FER1L6: variants seen among roughly 807,000 people sequenced by gnomAD.
FER1L6 encodes the protein fer-1 like family member 6.
FER1L6 carries 177 observed loss-of-function variants against 219.2 expected under a neutral mutation model. The observed-to-expected ratio is 0.81, with a 90% confidence interval of 0.71 to 0.91. The LOEUF (loss-of-function observed/expected upper bound fraction) is 0.91, where lower values mean the gene tolerates loss of function less well. Ranked by LOEUF, FER1L6 falls within the 40% of genes least tolerant of loss-of-function variation. FER1L6 has a pLI of 0.00. For synonymous variants in FER1L6, 768 were observed against 824.3 expected (o/e 0.93, Z 1.17); for missense variants, 2,153 against 2,259.9 (o/e 0.95, Z 0.96).
chr8:123,963,859 A>AGATCTGTG (rs1723552951), intron 3 of FER1L6, among the ~76,000 whole-genome samples: 1 of 152,246 alleles, frequency 6.6e-6, no homozygotes, highest in South Asian at 2.1e-4. Context: ...AATAGCCCCC[A>AGATCTGTG]GATCTGTGGC....
intron 22 of FER1L6, among the ~76,000 whole-genome samples, chr8:124,049,987 T>C (rs1819934067): frequency 6.6e-6 from 1 of 152,166 alleles, no homozygotes; most frequent in African/African-American, 2.4e-5. Context: ...TTCTTGCGGG[T>C]TTGGCCAACA....
intron 1 of FER1L6, among the ~76,000 whole-genome samples, chr8:123,907,739 ATTC>A (rs1457687533): frequency 2.0e-5 from 3 of 148,450 alleles, no homozygotes; most frequent in South Asian, 2.2e-4. Flanking sequence ...TTTTAACCAT[ATTC>A]TTCTTATTCT....
chr8:123,931,748 C>CT (rs548831971), intron 1 of FER1L6, among the ~76,000 whole-genome samples: 360 of 152,254 alleles, frequency 2.4e-3, no homozygotes, highest in Non-Finnish European at 3.8e-3. Context: ...TTGCCTGTTT[C>CT]TTTTTGTTGC....
intron 1 of FER1L6, among the ~76,000 whole-genome samples, chr8:123,944,357 C>T (rs1814389905): frequency 1.3e-5 from 2 of 149,928 alleles, no homozygotes; most frequent in African/African-American, 4.9e-5. Flanking sequence ...ATATAGTGAA[C>T]AAGTATATTG....
rs1345987443 is a variant in FER1L6, at chr8:123,852,265, CAGTA to C, written c.-8+83_-8+86del. The C allele has an allele frequency of 6.6e-6, 1 of 152,174 alleles. No homozygotes were observed. The highest frequency in any genetic ancestry group is 6.5e-5 in the Admixed American group (1 of 15,274). The allele number at this position is 152,174 out of a possible 1,614,324, so 9.4% of individuals were successfully genotyped here. On this transcript the variant is annotated intron_variant, in intron 1 of 40. Coordinates refer to ENST00000522917, the MANE Select transcript of FER1L6 (RefSeq NM_001039112.2). This position sits in a 1 kb window ranked among gnomAD's most constrained non-coding sequence, Gnocchi z 4.9. ...TCATATCCAGAGCAAATGTGTATTC[CAGTA>C]AGGACAAAATGCTTCCCCTCCCTTC...
intron 1 of FER1L6, among the ~76,000 whole-genome samples, chr8:123,892,766 T>A (rs190506805): frequency 1.3e-5 from 2 of 152,246 alleles, no homozygotes; most frequent in Non-Finnish European, 2.9e-5. Context: ...CTTTGATATT[T>A]GTCAGACTTT....
intron 1 of FER1L6, among the ~76,000 whole-genome samples, chr8:123,871,222 G>A (rs1484804980): frequency 6.6e-6 from 1 of 152,144 alleles, no homozygotes; most frequent in African/African-American, 2.4e-5. Flanking sequence ...TGTATTCATA[G>A]GTTAGTATGC....
intron 15 of FER1L6, chr8:124,014,596 T>C (rs1193457671): frequency 6.6e-6 from 1 of 152,592 alleles, no homozygotes; most frequent in Non-Finnish European, 1.5e-5. Flanking sequence ...AGAGAAACCC[T>C]GGTTCTGAGT....
intron 1 of FER1L6, among the ~76,000 whole-genome samples, chr8:123,934,974 T>C (rs1813926424): frequency 6.6e-6 from 1 of 152,206 alleles, no homozygotes; most frequent in African/African-American, 2.4e-5. Context: ...CAGTCATGCT[T>C]CCTGTTAAGC....
intron 1 of FER1L6, among the ~76,000 whole-genome samples, chr8:123,951,206 A>G (rs4242352): frequency 0.23 from 34,461 of 152,058 alleles, 4,799 homozygotes; most frequent in East Asian, 0.41. Flanking sequence ...CTCAAAAACC[A>G]CCGAGCCTTT....
intron 1 of FER1L6, chr8:123,939,174 A>G (rs931653790): frequency 8.1e-6 from 8 of 985,414 alleles, no homozygotes; most frequent in Non-Finnish European, 9.6e-6. Context: ...TGAAAAACCA[A>G]TGTTCCAGTC....
intron 21 of FER1L6, among the ~76,000 whole-genome samples, chr8:124,048,541 CTACA>C (rs1403873959): frequency 1.3e-5 from 2 of 152,220 alleles, no homozygotes; most frequent in Non-Finnish European, 2.9e-5. Context: ...AACATATGGC[CTACA>C]TACATACATA....
chr8:124,070,263 T>A (rs1312253048), intron 29 of FER1L6, among the ~76,000 whole-genome samples: 1 of 152,202 alleles, frequency 6.6e-6, no homozygotes, highest in Non-Finnish European at 1.5e-5. Flanking sequence ...AATTTAAAAG[T>A]TCATCAGAAC....
At chr8:123,935,031 C>T (rs893126082) in intron 1 of FER1L6, among the ~76,000 whole-genome samples, 6 of 152,176 alleles carry the variant, frequency 3.9e-5, no homozygotes, top group Non-Finnish European at 8.8e-5. Context: ...ATAAATTGCG[C>T]AGTCTCAGGT....
chr8:124,070,095 T>C (rs893142709), intron 29 of FER1L6, among the ~76,000 whole-genome samples: 2 of 152,202 alleles, frequency 1.3e-5, no homozygotes, highest in Non-Finnish European at 2.9e-5. Context: ...TCGCCTTATA[T>C]GTGTTCAGAA....
At chr8:123,938,957 AG>A (rs1814115108) in intron 1 of FER1L6, among the ~76,000 whole-genome samples, 3 of 152,236 alleles carry the variant, frequency 2.0e-5, no homozygotes, top group African/African-American at 7.2e-5. Context: ...TTATTCTTCA[AG>A]GGAAGAGTAC....
chr8:123,856,410 C>T (rs556168307), intron 1 of FER1L6, among the ~76,000 whole-genome samples: 2 of 145,780 alleles, frequency 1.4e-5, no homozygotes, highest in African/African-American at 5.1e-5. Flanking sequence ...GAGCTTTCAG[C>T]AAGCATATCT....
intron 1 of FER1L6, among the ~76,000 whole-genome samples, chr8:123,890,352 G>A (rs967166896): frequency 6.6e-6 from 1 of 151,978 alleles, no homozygotes; most frequent in Non-Finnish European, 1.5e-5. Context: ...AGTTGACTGA[G>A]TAGGAGAAAA....
At chr8:123,879,644 G>A (rs915115193) in intron 1 of FER1L6, among the ~76,000 whole-genome samples, 5 of 146,698 alleles carry the variant, frequency 3.4e-5, no homozygotes, top group Non-Finnish European at 6.0e-5. Flanking sequence ...ATTATTTAAC[G>A]TCACTTAAAA....
Sources: gnomAD v4.1 joint callset for allele counts (sites outside exome capture counted in the v4.1 genomes callset) on GRCh38, gnomAD v4.1.1 for gene constraint, Gnocchi (gnomAD v3.1) non-coding constraint, MANE v1.5 for transcripts, NCBI Gene and HGNC (gene_info 2026-07-23, HGNC 2026-07-21) for gene names.